The following ENOX1 variants were observed in gnomAD, a reference collection of about 807,000 sequenced individuals.
ENOX1 encodes ecto-NOX disulfide-thiol exchanger 1, also known as candidate growth-related and time keeping constitutive hydroquinone (NADH) oxidase.
In ENOX1, 42 loss-of-function variants were observed where a neutral mutation model predicts 82.5. The observed-to-expected ratio is 0.51, with a 90% CI of 0.40 to 0.66. The LOEUF (loss-of-function observed/expected upper bound fraction) is 0.66. Ranked by LOEUF, ENOX1 falls within the 30% of genes least tolerant of loss-of-function variation. ENOX1 has a pLI of 0.00. For synonymous variants in ENOX1, 271 were observed against 282.2 expected (o/e 0.96, Z 0.40); for missense variants, 608 against 811.6 (o/e 0.75, Z 3.05).
chr13:43,513,880 T>A (rs1489134115), intron 2 of ENOX1, among the ~76,000 whole-genome samples: 4 of 152,272 alleles, frequency 2.6e-5, no homozygotes, highest in African/African-American at 9.6e-5. Flanking sequence ...AATATAAGGA[T>A]CTCAAAACTA....
At chr13:43,634,720 C>G (rs1038949556) in intron 2 of ENOX1, among the ~76,000 whole-genome samples, 1 of 152,156 alleles carries the variant, frequency 6.6e-6, no homozygotes, top group Non-Finnish European at 1.5e-5. Context: ...ATGTTTTTAT[C>G]TTTTTATGTC....
At chr13:43,773,718 TTATCA>T (rs1951774882) in intron 1 of ENOX1, among the ~76,000 whole-genome samples, 1 of 152,242 alleles carries the variant, frequency 6.6e-6, no homozygotes, top group South Asian at 2.1e-4. Flanking sequence ...TTCAAAGTAC[TTATCA>T]TAAGATCCAA....
chr13:43,764,693 C>G (rs1951172280), intron 1 of ENOX1, among the ~76,000 whole-genome samples: 1 of 152,118 alleles, frequency 6.6e-6, no homozygotes, highest in Non-Finnish European at 1.5e-5. Context: ...AACAAAAACG[C>G]CTGCTTTCAA....
chr13:43,714,106 A>T (rs1449686284), intron 1 of ENOX1, among the ~76,000 whole-genome samples: 2 of 149,542 alleles, frequency 1.3e-5, no homozygotes, highest in Non-Finnish European at 3.0e-5. Context: ...AGATTCTGGT[A>T]TGTTGTGTCT....
rs1362556285 is a variant in ENOX1, at chr13:43,712,792, T to A, written c.-284-45248A>T. Among the ~76,000 whole-genome samples the A allele has an allele frequency of 2.9e-4, 44 of 152,158 alleles. 1 individual carries two copies. Among genetic ancestry groups the A allele is most frequent in the Admixed American group, 2.9e-3 (44 of 15,278 alleles). On this transcript the variant is annotated intron_variant, in intron 1 of 16. Coordinates refer to ENST00000690772, the MANE Select transcript of ENOX1 (RefSeq NM_001347969.2). Reference sequence around the variant, plus strand: ...TCCTGAGATTTGCTGAAGTTGCTTATCAGCTTAAGGAGATTTTGGGCTGAG... The same window carrying A: ...TCCTGAGATTTGCTGAAGTTGCTTAACAGCTTAAGGAGATTTTGGGCTGAG...
At chr13:43,397,831 G>C (rs1341636284) in intron 5 of ENOX1, among the ~76,000 whole-genome samples, 2 of 152,136 alleles carry the variant, frequency 1.3e-5, no homozygotes, top group African/African-American at 4.8e-5. Flanking sequence ...TTAGTCTATG[G>C]GGAGCTTCTG....
At chr13:43,499,014 T>G (rs1333610516) in intron 2 of ENOX1, among the ~76,000 whole-genome samples, 1 of 152,160 alleles carries the variant, frequency 6.6e-6, no homozygotes, top group South Asian at 2.1e-4. Context: ...GTTGATATCA[T>G]GTACCTTTGA....
At chr13:43,652,803 G>A (rs972800979) in intron 2 of ENOX1, among the ~76,000 whole-genome samples, 2 of 152,190 alleles carry the variant, frequency 1.3e-5, no homozygotes, top group East Asian at 1.9e-4. Context: ...CTGAGTAGCC[G>A]GAATGCCGGT....
At chr13:43,534,451 C>T (rs937780846) in intron 2 of ENOX1, among the ~76,000 whole-genome samples, 1 of 152,044 alleles carries the variant, frequency 6.6e-6, no homozygotes, top group Non-Finnish European at 1.5e-5. Context: ...CCTTCTCTCA[C>T]TCCTATGAAA....
chr13:43,290,668 G>A lies in ENOX1; in HGVS notation c.1446+7678C>T, dbSNP rs1236373758. 2.6e-5 allele frequency among the ~76,000 whole-genome samples: 4 copies of A among 152,172 alleles called. No homozygotes were observed. The East Asian group carries it at 5.8e-4, about 22-fold the overall frequency. On this transcript the variant is annotated intron_variant, in intron 12 of 16. Coordinates refer to ENST00000690772, the MANE Select transcript of ENOX1 (RefSeq NM_001347969.2). ...ACTACCCAGGTGATGGGATCTGTACGCTAAACCTCAGCATCACGCAATATT... is the reference window on the plus strand; with the variant it reads ...ACTACCCAGGTGATGGGATCTGTACACTAAACCTCAGCATCACGCAATATT...
At chr13:43,652,879 A>G (rs2084259080) in intron 2 of ENOX1, among the ~76,000 whole-genome samples, 1 of 152,238 alleles carries the variant, frequency 6.6e-6, no homozygotes, top group Non-Finnish European at 1.5e-5. Context: ...TTTCCAAGGG[A>G]GAGAAAATTC....
At chr13:43,616,155 TAG>T (rs1566641491) in intron 2 of ENOX1, among the ~76,000 whole-genome samples, 1,291 of 26,092 alleles carry the variant, frequency 0.049, 319 homozygotes, top group African/African-American at 0.12. Context: ...TCTATATAGA[TAG>T]ATATCTATCT....
chr13:43,550,953 T>C (rs1010151106), intron 2 of ENOX1, among the ~76,000 whole-genome samples: 1 of 152,202 alleles, frequency 6.6e-6, no homozygotes, highest in African/African-American at 2.4e-5. Flanking sequence ...GTTTAGACCA[T>C]AAGTAACCCA....
chr13:43,216,977 C>A (rs1377430468), intron 16 of ENOX1, among the ~76,000 whole-genome samples: 1 of 152,170 alleles, frequency 6.6e-6, no homozygotes, highest in Admixed American at 6.5e-5. Context: ...TTAATTCTCA[C>A]CACACTCTCA....
Position 43,696,196 on chromosome 13 carries a change from C to G in ENOX1, c.-284-28652G>C, listed in dbSNP as rs991484669. 2.0e-5 allele frequency among the ~76,000 whole-genome samples: 3 copies of G among 152,128 alleles called. No individual in the cohort carries two copies. The South Asian group carries it at 6.2e-4, about 32-fold the overall frequency. On this transcript the variant is annotated intron_variant, in intron 1 of 16. Transcript: ENST00000690772. ...TACCAGATTTTGTTTATCTATTCATCAGTTGATGGACATGTGGGTTCTTCC... is the reference window on the plus strand; with the variant it reads ...TACCAGATTTTGTTTATCTATTCATGAGTTGATGGACATGTGGGTTCTTCC...
At chr13:43,418,720 G>T (rs2054790289) in intron 3 of ENOX1, among the ~76,000 whole-genome samples, 1 of 152,084 alleles carries the variant, frequency 6.6e-6, no homozygotes, top group Non-Finnish European at 1.5e-5. Context: ...TACACAAAAT[G>T]CCAAGGATAA....
intron 2 of ENOX1, among the ~76,000 whole-genome samples, chr13:43,661,994 AT>A (rs5803197): frequency 0.67 from 102,298 of 151,716 alleles, 34,578 homozygotes; most frequent in Middle Eastern, 0.72. Context: ...CAACAGATTG[AT>A]TTTTTTTTAT....
At chr13:43,668,249 T>C (rs1445440344) in intron 1 of ENOX1, among the ~76,000 whole-genome samples, 1 of 152,204 alleles carries the variant, frequency 6.6e-6, no homozygotes, top group Non-Finnish European at 1.5e-5. Flanking sequence ...AATCTGCATT[T>C]TAACAAGATC....
chr13:43,318,435 C>G lies in ENOX1; in HGVS notation c.1261+3949G>C, dbSNP rs2047633442. On this transcript the variant is annotated intron_variant, in intron 11 of 16. Transcript: ENST00000690772. ...TCTGTGTGCCCTGGGTCCACAGCAC[C>G]TTGGACATACAAAATGTAGATAATC... Among the ~76,000 whole-genome samples, 4 of 152,204 alleles carry G rather than the reference C, an allele frequency of 2.6e-5. No homozygotes were observed. In the South Asian group the frequency reaches 8.3e-4, roughly 31 times the overall value.
Sources: gnomAD v4.1 joint callset for allele counts (sites outside exome capture counted in the v4.1 genomes callset) on GRCh38, gnomAD v4.1.1 for gene constraint, MANE v1.5 for transcripts, NCBI Gene and HGNC (gene_info 2026-07-23, HGNC 2026-07-21) for gene names.